The following ETV6 variants were observed in gnomAD, a reference collection of about 807,000 sequenced individuals.
The protein encoded by ETV6 is ETS variant transcription factor 6.
A neutral mutation model predicts 51.1 loss-of-function variants in ETV6; 16 were observed. The ratio of observed to expected loss-of-function variants is 0.31; its 90% confidence interval spans 0.21 to 0.48. The LOEUF (loss-of-function observed/expected upper bound fraction) is 0.48. Among genes scored for constraint, ETV6 ranks in the 20% least tolerant of loss-of-function variants. ETV6 has a pLI of 0.99. For synonymous variants in ETV6, 240 were observed against 224.1 expected, an observed-to-expected ratio of 1.07 and a Z score of -0.64; for missense variants, 458 against 594.8, an observed-to-expected ratio of 0.77 and a Z score of 2.39.
At chr12:11,666,768 C>T (rs1438691119) in intron 1 of ETV6, among the ~76,000 whole-genome samples, 6 of 152,216 alleles carry the variant, frequency 3.9e-5, no homozygotes, top group African/African-American at 1.2e-4. Context: ...ACAGTTTCCC[C>T]GAAACCGTCA....
At chr12:11,831,604 C>T (rs899203368) in intron 2 of ETV6, among the ~76,000 whole-genome samples, 8 of 152,186 alleles carry the variant, frequency 5.3e-5, no homozygotes, top group Admixed American at 5.2e-4. Context: ...GAAAAGGAGA[C>T]AGGGAATATC....
chr12:11,839,042 C>A (rs1052605989), intron 2 of ETV6, 98 bp from the exon 3 acceptor site: 26 of 1,282,744 alleles, frequency 2.0e-5, no homozygotes, highest in African/African-American at 3.0e-5. Context: ...TGTGGAGACT[C>A]ATTTTGTTAA....
At chr12:11,854,079 C>T (rs765545589) in intron 4 of ETV6, among the ~76,000 whole-genome samples, 2 of 152,036 alleles carry the variant, frequency 1.3e-5, no homozygotes, top group Non-Finnish European at 2.9e-5. Flanking sequence ...AGTGGGAGCC[C>T]TGAGCTTGTT....
chr12:11,880,032 T>TAAAA (rs59152213), intron 5 of ETV6, among the ~76,000 whole-genome samples: 7 of 117,854 alleles, frequency 5.9e-5, no homozygotes, highest in South Asian at 2.8e-4. Flanking sequence ...GTCAATTGTT[T>TAAAA]AAAAAAAAAA....
At chr12:11,759,956 G>A (rs892397978) in intron 2 of ETV6, among the ~76,000 whole-genome samples, 14 of 152,336 alleles carry the variant, frequency 9.2e-5, no homozygotes, top group Admixed American at 3.9e-4. Context: ...TTTCTGGCAG[G>A]ATGACCTTGA....
intron 1 of ETV6, among the ~76,000 whole-genome samples, chr12:11,730,598 G>A (rs1165661510): frequency 6.6e-6 from 1 of 152,238 alleles, no homozygotes. Context: ...ATGTTGCGGG[G>A]TGGACATCTG....
chr12:11,794,174 CTCTT>C (rs982873902), intron 2 of ETV6, among the ~76,000 whole-genome samples: 1 of 152,204 alleles, frequency 6.6e-6, no homozygotes, highest in African/African-American at 2.4e-5. Context: ...ATCAGCCTCT[CTCTT>C]TCTCTCTCTC....
intron 5 of ETV6, among the ~76,000 whole-genome samples, chr12:11,871,333 C>T (rs1389696881): frequency 3.9e-5 from 6 of 151,902 alleles, no homozygotes; most frequent in Admixed American, 6.6e-5. Flanking sequence ...CGACTACAGG[C>T]GCCCGCCACC....
rs371983448 is a variant in ETV6, at chr12:11,869,382, A to G, written c.464-42A>G. 422 of 1,560,554 alleles carry G rather than the reference A, an allele frequency of 2.7e-4. No homozygotes were observed. The highest frequency in any genetic ancestry group is 3.6e-4 in the Non-Finnish European group (410 of 1,151,104). ...GCCGCAGGGAGTTTCCTGTCCTGCC[A>G]ACTCACTGGGGTCTGTGATTGTCTT... On this transcript the variant is annotated intron_variant, in intron 4 of 7. Transcript: ENST00000396373. The surrounding 1 kb of genome is among the most constrained non-coding windows in gnomAD (Gnocchi z 5.0).
chr12:11,710,025 G>C (rs1312937981), intron 1 of ETV6, among the ~76,000 whole-genome samples: 2 of 152,200 alleles, frequency 1.3e-5, no homozygotes, highest in African/African-American at 4.8e-5. Flanking sequence ...CACGTAGGTA[G>C]CACTGCAGAA....
In ETV6 at chr12:11,672,029, A is replaced by T. The variant is rs75420798; in HGVS notation, c.33+21869A>T. On this transcript the variant is annotated intron_variant, in intron 1 of 7. Transcript: ENST00000396373. The stretch of plus-strand genomic sequence containing the variant: ...TTTTTAAGCTGAAAATGAATGAAGG[A>T]TGGTAGAGTAGGAACTAGGATGTAC... 1.3e-3 allele frequency among the ~76,000 whole-genome samples: 197 copies of T among 149,360 alleles called. 1 individual carries two copies. Among genetic ancestry groups the T allele is most frequent in the South Asian group, 2.3e-3 (11 of 4,706 alleles).
At chr12:11,865,925 A>G (rs895993137) in intron 4 of ETV6, among the ~76,000 whole-genome samples, 7 of 152,044 alleles carry the variant, frequency 4.6e-5, no homozygotes, top group African/African-American at 1.7e-4. Context: ...GTTGTTACCA[A>G]ATTTGAGGAC....
At chr12:11,865,331 G>C (rs1946777305) in intron 4 of ETV6, among the ~76,000 whole-genome samples, 1 of 151,146 alleles carries the variant, frequency 6.6e-6, no homozygotes, top group African/African-American at 2.4e-5. Flanking sequence ...CATATCACTT[G>C]AAAACTAGTA....
intron 2 of ETV6, among the ~76,000 whole-genome samples, chr12:11,835,441 A>G (rs1242926666): frequency 6.6e-6 from 1 of 152,220 alleles, no homozygotes; most frequent in Non-Finnish European, 1.5e-5. Context: ...ATGGCCGTAA[A>G]TAAAGCAAGT....
chr12:11,662,952 G>GGGTA (rs1333568872), intron 1 of ETV6, among the ~76,000 whole-genome samples: 1 of 152,200 alleles, frequency 6.6e-6, no homozygotes, highest in East Asian at 1.9e-4. Flanking sequence ...ACACCAGCCA[G>GGGTA]GGTAAGGCAA....
At chr12:11,852,700 G>A (rs1392818900) in intron 3 of ETV6, among the ~76,000 whole-genome samples, 5 of 152,130 alleles carry the variant, frequency 3.3e-5, no homozygotes, top group Non-Finnish European at 4.4e-5. Flanking sequence ...GCCATTGTTC[G>A]GCAGCTACTG....
chr12:11,683,973 C>G (rs1223497512), intron 1 of ETV6, among the ~76,000 whole-genome samples: 1 of 151,804 alleles, frequency 6.6e-6, no homozygotes, highest in Non-Finnish European at 1.5e-5. Flanking sequence ...CCTGACTTTT[C>G]TAAACACTGT....
At chr12:11,701,707 A>G (rs1032975339) in intron 1 of ETV6, among the ~76,000 whole-genome samples, 2 of 152,170 alleles carry the variant, frequency 1.3e-5, no homozygotes, top group African/African-American at 2.4e-5. Flanking sequence ...CAGGGAGTAC[A>G]CGGTCTTGTA....
intron 1 of ETV6, among the ~76,000 whole-genome samples, chr12:11,683,187 G>A (rs1179879194): frequency 6.6e-6 from 1 of 152,168 alleles, no homozygotes; most frequent in Non-Finnish European, 1.5e-5. Context: ...GGGATTACAG[G>A]CGCGCTCCAC....
Sources: gnomAD v4.1 joint callset for allele counts (sites outside exome capture counted in the v4.1 genomes callset) on GRCh38, gnomAD v4.1.1 for gene constraint, Gnocchi (gnomAD v3.1) non-coding constraint, MANE v1.5 for transcripts, NCBI Gene and HGNC (gene_info 2026-07-23, HGNC 2026-07-21) for gene names.